The following GRM8 variants were observed in gnomAD, a reference collection of about 807,000 sequenced individuals.
GRM8 encodes the protein metabotropic glutamate receptor 8.
Under a neutral mutation model 87.2 loss-of-function variants are expected in GRM8, and 47 were observed. The observed-to-expected ratio is 0.54, with a 90% CI of 0.43 to 0.69. GRM8 has a LOEUF of 0.69. Ranked by LOEUF, GRM8 falls within the 30% of genes least tolerant of loss-of-function variation. GRM8 has a pLI of 0.00. For synonymous variants in GRM8, 396 were observed against 404.5 expected (o/e 0.98, Z 0.25); for missense variants, 1,019 against 1,139.2 (o/e 0.89, Z 1.52).
chr7:126,640,825 G>A (rs1802307159), intron 7 of GRM8, among the ~76,000 whole-genome samples: 2 of 151,986 alleles, frequency 1.3e-5, no homozygotes, highest in Non-Finnish European at 2.9e-5. Context: ...ATACAGGTGG[G>A]AAAGCTCATG....
chr7:126,498,263 G>C (rs1809078483), intron 9 of GRM8, among the ~76,000 whole-genome samples: 1 of 151,892 alleles, frequency 6.6e-6, no homozygotes, highest in Non-Finnish European at 1.5e-5. Flanking sequence ...CTAGAAAACT[G>C]TTTCTTATAA....
At chr7:127,029,297 A>G (rs145850371) in intron 3 of GRM8, among the ~76,000 whole-genome samples, 2,132 of 152,242 alleles carry the variant, frequency 0.014, 47 homozygotes, top group African/African-American at 0.048. Context: ...TGGTGCTGAG[A>G]ATGTATATTC....
intron 9 of GRM8, among the ~76,000 whole-genome samples, chr7:126,471,052 G>T (rs1388248821): frequency 1.3e-5 from 2 of 152,116 alleles, no homozygotes; most frequent in African/African-American, 4.8e-5. Flanking sequence ...GTTTTTTCTT[G>T]TAAATTTGTT....
chr7:126,867,626 G>A (rs894401600), intron 6 of GRM8, among the ~76,000 whole-genome samples: 2 of 152,072 alleles, frequency 1.3e-5, no homozygotes, highest in African/African-American at 4.8e-5. Flanking sequence ...GAGAGAAAAC[G>A]ATCCTATCAA....
chr7:126,949,590 GGA>G (rs1354659785), intron 3 of GRM8, among the ~76,000 whole-genome samples: 1 of 152,100 alleles, frequency 6.6e-6, no homozygotes, highest in Non-Finnish European at 1.5e-5. Flanking sequence ...GTTAAGAATT[GGA>G]GTTAAGAATG....
intron 3 of GRM8, among the ~76,000 whole-genome samples, chr7:126,968,421 C>T (rs1051557374): frequency 3.9e-5 from 6 of 152,068 alleles, no homozygotes; most frequent in African/African-American, 1.2e-4. Flanking sequence ...TGCTGTAAGG[C>T]CAAGCAACAG....
At chr7:126,448,921 AAAT>A (rs1402699524) in intron 9 of GRM8, among the ~76,000 whole-genome samples, 2 of 151,864 alleles carry the variant, frequency 1.3e-5, no homozygotes, top group African/African-American at 2.4e-5. Flanking sequence ...GGATCAGGAA[AAAT>A]AATAACAGGT....
intron 9 of GRM8, among the ~76,000 whole-genome samples, chr7:126,478,605 AT>A (rs1806282462): frequency 6.6e-6 from 1 of 152,166 alleles, no homozygotes; most frequent in African/African-American, 2.4e-5. Context: ...ACATTAAAAA[AT>A]GATTTCTCTT....
intron 8 of GRM8, among the ~76,000 whole-genome samples, chr7:126,543,244 A>G (rs1238952091): frequency 6.6e-6 from 1 of 152,168 alleles, no homozygotes; most frequent in Admixed American, 6.5e-5. Context: ...ATTTTAGGTT[A>G]TATTCCTAAG....
intron 3 of GRM8, among the ~76,000 whole-genome samples, chr7:126,913,827 TA>T (rs1803563677): frequency 6.6e-6 from 1 of 152,258 alleles, no homozygotes; most frequent in African/African-American, 2.4e-5. Context: ...ACTGTAAGTT[TA>T]TCAGCTTAAA....
At chr7:126,604,202 C>T (rs1179657011) in intron 8 of GRM8, among the ~76,000 whole-genome samples, 1 of 151,924 alleles carries the variant, frequency 6.6e-6, no homozygotes, top group Non-Finnish European at 1.5e-5. Context: ...GTGGTAAAGA[C>T]CAATTTAATG....
intron 9 of GRM8, among the ~76,000 whole-genome samples, chr7:126,465,607 T>C (rs1804404437): frequency 6.6e-6 from 1 of 151,844 alleles, no homozygotes; most frequent in South Asian, 2.1e-4. Flanking sequence ...TATATTTTTA[T>C]TTTTATGTAT....
chr7:127,170,972 T>C (rs777108125), intron 2 of GRM8, among the ~76,000 whole-genome samples: 3 of 151,532 alleles, frequency 2.0e-5, no homozygotes, highest in Non-Finnish European at 4.4e-5. Context: ...CACCATCTAT[T>C]CCCCCAAAAA....
intron 7 of GRM8, among the ~76,000 whole-genome samples, chr7:126,696,714 A>C (rs975447590): frequency 6.6e-6 from 1 of 152,176 alleles, no homozygotes; most frequent in Non-Finnish European, 1.5e-5. Context: ...GGAACAAATC[A>C]GAGAAGATAG....
At position 126,735,621 on chromosome 7, in the gene GRM8, C is replaced by T. The variant is rs897131667; in HGVS notation, c.1357+34244G>A. Among the ~76,000 whole-genome samples the T allele has an allele frequency of 1.1e-4, 17 of 151,946 alleles. 1 individual carries two copies. Among genetic ancestry groups the T allele is most frequent in the South Asian group, 6.2e-4 (3 of 4,822 alleles). On this transcript the variant is annotated intron_variant, in intron 7 of 10. Coordinates refer to ENST00000339582, the MANE Select transcript of GRM8 (RefSeq NM_000845.3). ...TGTCATCTTCTTCATACACAAAGGA[C>T]GCCATGTTGTTACCGAGATTAAGAT...
chr7:126,538,219 A>G (rs537406119), intron 8 of GRM8, among the ~76,000 whole-genome samples: 1 of 152,362 alleles, frequency 6.6e-6, no homozygotes, highest in East Asian at 1.9e-4. Context: ...TCGTGAAACC[A>G]AAGTTTCCGG....
At chr7:126,671,291 T>G (rs1806360950) in intron 7 of GRM8, among the ~76,000 whole-genome samples, 1 of 152,206 alleles carries the variant, frequency 6.6e-6, no homozygotes, top group Admixed American at 6.5e-5. Flanking sequence ...ATGGCTGGGC[T>G]TGGCTTTAAA....
At chr7:126,655,499 G>T (rs1448818066) in intron 7 of GRM8, among the ~76,000 whole-genome samples, 1 of 148,956 alleles carries the variant, frequency 6.7e-6, no homozygotes, top group Admixed American at 6.7e-5. Flanking sequence ...CTCTGTTGCT[G>T]TCTCTCTCTC....
At chr7:127,000,908 A>C (rs990021068) in intron 3 of GRM8, among the ~76,000 whole-genome samples, 2 of 151,720 alleles carry the variant, frequency 1.3e-5, no homozygotes, top group African/African-American at 4.8e-5. Context: ...AAACCCTAGG[A>C]GACTTTTTTA....
Sources: gnomAD v4.1 joint callset for allele counts (sites outside exome capture counted in the v4.1 genomes callset) on GRCh38, gnomAD v4.1.1 for gene constraint, MANE v1.5 for transcripts, NCBI Gene and HGNC (gene_info 2026-07-23, HGNC 2026-07-21) for gene names.